Variants in APBB2 observed in about 807,000 individuals in gnomAD.
The protein encoded by APBB2 is amyloid beta precursor protein binding family B member 2.
In APBB2, 38 loss-of-function variants were observed where a neutral mutation model predicts 82.5. The observed-to-expected ratio is 0.46, with a 90% CI of 0.36 to 0.60. APBB2 has a LOEUF of 0.60. Ranked by LOEUF, APBB2 falls within the 20% of genes least tolerant of loss-of-function variation. The pLI, the probability that APBB2 is intolerant of heterozygous loss-of-function variation, is 0.00. For missense variants in APBB2, 772 were observed against 972.3 expected, an observed-to-expected ratio of 0.79 and a Z score of 2.74; for synonymous variants, 341 against 368.2, an observed-to-expected ratio of 0.93 and a Z score of 0.85.
At position 41,013,695 on chromosome 4, in the gene APBB2, G is replaced by A; in HGVS notation, c.723C>T (p.Ala241=). The change falls in exon 6 of 18, where the codon GCC becomes GCT. Residue 241 remains alanine (A), a synonymous_variant. Coordinates refer to ENST00000508593, the MANE Select transcript of APBB2 (RefSeq NM_004307.2). ...TCCGGTGCAGTGCACAGTCGGTTTT[G>A]GCCCCTGTTTTCGGATGATCCTTCT... The part of the protein sequence containing the change: ...ETKKDHPKTG[A]KTDCALHRIQ... 1 of 1,613,882 alleles carries A rather than the reference G, an allele frequency of 6.2e-7. No homozygotes were observed. Among genetic ancestry groups the A allele is most frequent in the East Asian group, 2.2e-5 (1 of 44,862 alleles).
intron 12 of APBB2, among the ~76,000 whole-genome samples, chr4:40,838,582 G>A (rs1197297005): frequency 1.3e-5 from 2 of 152,078 alleles, no homozygotes; most frequent in Non-Finnish European, 2.9e-5. Flanking sequence ...TGATCCGCCT[G>A]CCTCGGCCTC....
At position 40,915,524 on chromosome 4, in the gene APBB2, T is replaced by C. The variant is rs150776328; in HGVS notation, c.1254+18932A>G. ...ATACCTGGTACTCAGTAAAAGTTAC[T>C]GATAACTATCTTCAGGGCTAATTTC... On this transcript the variant is annotated intron_variant, in intron 10 of 17. Transcript: ENST00000508593. 9.1e-4 allele frequency among the ~76,000 whole-genome samples: 138 copies of C among 152,348 alleles called. 2 individuals are homozygous for C. Among genetic ancestry groups the C allele is most frequent in the African/African-American group, 3.1e-3 (127 of 41,582 alleles).
chr4:41,101,381 G>A (rs1026409872), intron 2 of APBB2, among the ~76,000 whole-genome samples: 18 of 147,622 alleles, frequency 1.2e-4, no homozygotes, highest in Non-Finnish European at 2.2e-4. Context: ...GGAGAATGGC[G>A]TGAACCCGGG....
chr4:41,187,558 G>A (rs1438115049), intron 1 of APBB2, among the ~76,000 whole-genome samples: 2 of 152,132 alleles, frequency 1.3e-5, no homozygotes, highest in Non-Finnish European at 2.9e-5. Flanking sequence ...TACCCTGGAC[G>A]ACTGTTCAGC....
chr4:41,005,776 A>AT (rs1404839090), intron 6 of APBB2, among the ~76,000 whole-genome samples: 2 of 152,250 alleles, frequency 1.3e-5, no homozygotes, highest in Non-Finnish European at 2.9e-5. Context: ...TTAGTGGTTA[A>AT]TTTTTGAAAA....
At chr4:41,071,435 C>T (rs1733840161) in intron 3 of APBB2, among the ~76,000 whole-genome samples, 1 of 152,192 alleles carries the variant, frequency 6.6e-6, no homozygotes, top group Admixed American at 6.5e-5. Flanking sequence ...AATCCTAGCA[C>T]TTTGGGAGGC....
intron 2 of APBB2, among the ~76,000 whole-genome samples, chr4:41,106,475 CTTTG>C (rs1250484003): frequency 1.6e-4 from 24 of 150,154 alleles, no homozygotes; most frequent in South Asian, 4.2e-4. Flanking sequence ...TTTTTTGTTT[CTTTG>C]TTTGTTTGTT....
At position 40,917,053 on chromosome 4, in the gene APBB2, G is replaced by A. The variant is rs147682849; in HGVS notation, c.1254+17403C>T. Among the ~76,000 whole-genome samples the A allele has an allele frequency of 7.3e-3, 1,114 of 152,254 alleles. 15 individuals are homozygous for A. Among genetic ancestry groups the A allele is most frequent in the African/African-American group, 0.025 (1,058 of 41,548 alleles). ...CTCTCACTCAGGGTCAAGTCAGGGC[G>A]GCAACTCCTGTGCTGTGTTGACTGC... On this transcript the variant is annotated intron_variant, in intron 10 of 17. Coordinates refer to ENST00000508593, the MANE Select transcript of APBB2 (RefSeq NM_004307.2).
chr4:41,039,983 A>G (rs1251624689), intron 4 of APBB2, among the ~76,000 whole-genome samples: 1 of 152,136 alleles, frequency 6.6e-6, no homozygotes, highest in Non-Finnish European at 1.5e-5. Flanking sequence ...TAAGTGCCCA[A>G]TAAATTTTTG....
At position 40,816,907 on chromosome 4, in the gene APBB2, G is replaced by C. The variant is rs142055367; in HGVS notation, c.2113-648C>G. Among the ~76,000 whole-genome samples the C allele has an allele frequency of 8.0e-4, 122 of 152,226 alleles. 1 individual carries two copies. The highest frequency in any genetic ancestry group is 2.9e-3 in the African/African-American group (122 of 41,532). ...AAAAGATGAGGTATTAAGATTTCAA[G>C]ATACATGGTACATACAAGTCTAAAT... On this transcript the variant is annotated intron_variant, in intron 17 of 17. Transcript: ENST00000508593.
intron 6 of APBB2, among the ~76,000 whole-genome samples, chr4:40,975,489 G>C (rs1479424786): frequency 1.3e-5 from 2 of 152,022 alleles, no homozygotes; most frequent in Non-Finnish European, 2.9e-5. Flanking sequence ...TTCTGCAATA[G>C]AATTTCAGCT....
intron 12 of APBB2, chr4:40,880,841 A>C (rs957925126): frequency 1.0e-6 from 1 of 980,628 alleles, no homozygotes; most frequent in Non-Finnish European, 1.2e-6. Flanking sequence ...ACATGCTCAC[A>C]AGAAATCCTG....
At chr4:40,995,580 G>C (rs183158508) in intron 6 of APBB2, among the ~76,000 whole-genome samples, 132 of 144,170 alleles carry the variant, frequency 9.2e-4, no homozygotes, top group African/African-American at 3.2e-3. Flanking sequence ...GACTCACTTT[G>C]TTGCCCAGGC....
rs141128325 is a variant in APBB2 at position 40,911,136 on chromosome 4, G to A, written c.1255-17725C>T. ...GAACAACATGGATTATTTGGACTGTGTAGGTCCACACAGATTTTTGTCAAG... is the reference window on the plus strand; with the variant it reads ...GAACAACATGGATTATTTGGACTGTATAGGTCCACACAGATTTTTGTCAAG... On this transcript the variant is annotated intron_variant, in intron 10 of 17. Transcript: ENST00000508593. Among the ~76,000 whole-genome samples the A allele has an allele frequency of 3.5e-3, 535 of 152,358 alleles. 3 individuals are homozygous for A. Among genetic ancestry groups the A allele is most frequent in the African/African-American group, 0.012 (519 of 41,580 alleles).
At chr4:41,098,974 G>A (rs1352995208) in intron 3 of APBB2, among the ~76,000 whole-genome samples, 2 of 151,846 alleles carry the variant, frequency 1.3e-5, no homozygotes, top group Non-Finnish European at 2.9e-5. Context: ...TTTCTTTTAA[G>A]ATTAACATGT....
intron 6 of APBB2, among the ~76,000 whole-genome samples, chr4:40,946,232 C>CAAAAAAAAAAAAAAAAAA (rs55995119): frequency 5.1e-5 from 4 of 78,700 alleles, no homozygotes; most frequent in Non-Finnish European, 9.5e-5. Context: ...ACTCTATCTC[C>CAAAAAAAAAAAAAAAAAA]AAAAAAAAAA....
intron 5 of APBB2, among the ~76,000 whole-genome samples, chr4:41,018,847 C>T (rs1810712842): frequency 6.6e-6 from 1 of 152,080 alleles, no homozygotes; most frequent in African/African-American, 2.4e-5. Flanking sequence ...GGAAGCAGGA[C>T]CAGTTGGGAG....
At chr4:41,026,505 C>T (rs560923617) in intron 5 of APBB2, among the ~76,000 whole-genome samples, 1 of 152,294 alleles carries the variant, frequency 6.6e-6, no homozygotes, top group East Asian at 1.9e-4. Context: ...CCATTCGTCC[C>T]TCCCTCCAAC....
intron 10 of APBB2, among the ~76,000 whole-genome samples, chr4:40,927,896 G>T (rs554616085): frequency 1.3e-5 from 2 of 152,150 alleles, no homozygotes; most frequent in Non-Finnish European, 2.9e-5. Flanking sequence ...CTGACAAAAC[G>T]GTATATATAT....
Sources: gnomAD v4.1 joint callset for allele counts (sites outside exome capture counted in the v4.1 genomes callset) on GRCh38, gnomAD v4.1.1 for gene constraint, MANE v1.5 for transcripts, NCBI Gene and HGNC (gene_info 2026-07-23, HGNC 2026-07-21) for gene names.